Variants in PAK3 observed in about 807,000 individuals in gnomAD.
PAK3 encodes the protein serine/threonine-protein kinase PAK 3.
A neutral mutation model predicts 41.0 loss-of-function variants in PAK3; 4 were observed. That is an observed-to-expected ratio of 0.10 (90% CI 0.05 to 0.22). The LOEUF (loss-of-function observed/expected upper bound fraction) is 0.22. Among genes scored for constraint, PAK3 ranks in the 10% least tolerant of loss-of-function variants. The probability of loss-of-function intolerance (pLI) is 1.00; values close to 1 mark genes in which losing one functional copy is unlikely to be tolerated. For synonymous variants in PAK3, 146 were observed against 139.6 expected, an observed-to-expected ratio of 1.05 and a Z score of -0.32; for missense variants, 205 against 409.9, an observed-to-expected ratio of 0.50 and a Z score of 4.32.
intron 5 of PAK3, among the ~76,000 whole-genome samples, chrX:111,136,826 G>A (rs894851054): frequency 1.8e-5 from 2 of 111,905 alleles, no homozygotes; most frequent in African/African-American, 6.5e-5. Context: ...CATTTGCCCA[G>A]GTTTCATCCC....
chrX:111,149,191 G>A (rs964578295), intron 7 of PAK3, among the ~76,000 whole-genome samples: 4 of 111,854 alleles, frequency 3.6e-5, no homozygotes, highest in Non-Finnish European at 7.5e-5. Flanking sequence ...TCTAGGTCAC[G>A]CTGATGTAAG....
rs1006092770 is a variant in PAK3 at position 111,018,952 on chromosome X, T to C, written c.-28+74324T>C. On this transcript the variant is annotated intron_variant, in intron 1 of 14. Coordinates refer to the PAK3 transcript ENST00000425146. ...TAAACCCTCATTAGATGGTACCTTT[T>C]TGTACCCTTTTGACAAGGGCACAAA... 1.1e-4 allele frequency among the ~76,000 whole-genome samples: 12 copies of C among 111,508 alleles called. No homozygotes were observed. The South Asian group carries it at 4.6e-3, about 42-fold the overall frequency.
chrX:110,982,572 G>A (rs2091466665), intron 1 of PAK3, among the ~76,000 whole-genome samples: 1 of 112,048 alleles, frequency 8.9e-6, no homozygotes, highest in Non-Finnish European at 1.9e-5. Flanking sequence ...GCCTTCTCCC[G>A]AAAAGAACCC....
At chrX:110,950,083 G>A (rs1321982605) in intron 1 of PAK3, among the ~76,000 whole-genome samples, 2 of 110,299 alleles carry the variant, frequency 1.8e-5, no homozygotes, top group African/African-American at 3.3e-5. Flanking sequence ...GGGAGTGGGG[G>A]CTGGACATTG....
At chrX:110,968,222 C>T (rs929346387) in intron 1 of PAK3, among the ~76,000 whole-genome samples, 2 of 112,348 alleles carry the variant, frequency 1.8e-5, no homozygotes, top group African/African-American at 3.2e-5. Context: ...TTTGTCTAAC[C>T]ATTCACCAAT....
At chrX:111,168,706 A>G (rs1405553943) in intron 10 of PAK3, among the ~76,000 whole-genome samples, 1 of 112,040 alleles carries the variant, frequency 8.9e-6, no homozygotes. Context: ...ATAAAGCCAC[A>G]TTAACTGAAC....
intron 4 of PAK3, among the ~76,000 whole-genome samples, chrX:111,121,338 A>T (rs755489212): frequency 6.2e-5 from 7 of 112,127 alleles, no homozygotes; most frequent in Non-Finnish European, 1.1e-4. Context: ...TCAAATCAAA[A>T]TCAAACCAAT....
intron 4 of PAK3, among the ~76,000 whole-genome samples, chrX:111,120,459 G>C (rs775805638): frequency 8.9e-6 from 1 of 111,946 alleles, no homozygotes; most frequent in Admixed American, 9.5e-5. Flanking sequence ...AGGCCACTCT[G>C]TTGTTAGCCA....
chrX:110,963,840 A>G (rs2091029273), intron 1 of PAK3, among the ~76,000 whole-genome samples: 1 of 111,793 alleles, frequency 8.9e-6, no homozygotes, highest in African/African-American at 3.3e-5. Context: ...ATTGCTATGT[A>G]AATGCTTTCA....
At chrX:111,057,191 G>T (rs1425389278) in intron 1 of PAK3, among the ~76,000 whole-genome samples, 5 of 111,583 alleles carry the variant, frequency 4.5e-5, no homozygotes, top group Non-Finnish European at 9.4e-5. Flanking sequence ...TGTACAAATG[G>T]CCAACAAACA....
At chrX:111,186,393 C>A (rs755214041) in intron 11 of PAK3, among the ~76,000 whole-genome samples, 1 of 111,377 alleles carries the variant, frequency 9.0e-6, no homozygotes, top group African/African-American at 3.3e-5. Context: ...CTAGAAAACC[C>A]CATTGTCTCA....
chrX:110,988,147 G>A (rs1394088883), intron 1 of PAK3, among the ~76,000 whole-genome samples: 3 of 112,564 alleles, frequency 2.7e-5, no homozygotes, highest in African/African-American at 9.7e-5. Context: ...AGATTCCTGG[G>A]CCTTGCCCTA....
chrX:110,991,894 C>G (rs1030657365), intron 1 of PAK3, among the ~76,000 whole-genome samples: 2 of 111,342 alleles, frequency 1.8e-5, no homozygotes, highest in African/African-American at 6.5e-5. Context: ...AAAAAACACA[C>G]AGGACAGGCA....
chrX:111,210,410 C>T (rs1292845470), intron 16 of PAK3, among the ~76,000 whole-genome samples: 2 of 111,351 alleles, frequency 1.8e-5, no homozygotes, highest in Non-Finnish European at 3.8e-5. Flanking sequence ...CATCCCCTTA[C>T]ATACACTATT....
chrX:111,170,372 A>C (rs921750979), intron 10 of PAK3, among the ~76,000 whole-genome samples: 16 of 110,548 alleles, frequency 1.4e-4, no homozygotes, highest in African/African-American at 4.3e-4. Flanking sequence ...TAAAAAAAAA[A>C]CCAACAACTT....
chrX:111,201,287 C>G lies in PAK3; in HGVS notation c.1407+4647C>G, dbSNP rs2094680487. ...TGTTCTCTTGAAGGAAACACAATGT[C>G]TCAGGCTATATGCCCTTATTTGGAA... is the stretch of plus-strand genomic sequence containing the variant. On this transcript the variant is annotated intron_variant, in intron 16 of 17. Transcript: ENST00000372007. Among the ~76,000 whole-genome samples, 2 of 111,964 alleles carry G rather than the reference C, an allele frequency of 1.8e-5. 1 individual carries two copies. The highest frequency in any genetic ancestry group is 1.9e-4 in the Admixed American group (2 of 10,525).
chrX:111,073,687 G>T (rs762361807), intron 1 of PAK3, among the ~76,000 whole-genome samples: 1 of 111,451 alleles, frequency 9.0e-6, no homozygotes, highest in East Asian at 2.8e-4. Context: ...CAGACAAATG[G>T]TGAGTAAAGA....
intron 10 of PAK3, chrX:111,169,497 G>A (rs1187911081): frequency 8.9e-6 from 1 of 112,093 alleles, no homozygotes; most frequent in African/African-American, 3.3e-5. Flanking sequence ...GAGAGAACAA[G>A]GGCGAGAGAG....
At chrX:111,065,152 C>T (rs1377287162) in intron 1 of PAK3, among the ~76,000 whole-genome samples, 2 of 112,013 alleles carry the variant, frequency 1.8e-5, no homozygotes, top group Non-Finnish European at 3.8e-5. Context: ...AAGGGGAATG[C>T]TTCCAGCATT....
Sources: allele counts gnomAD v4.1 joint callset (sites outside exome capture counted in the v4.1 genomes callset), GRCh38; gene constraint gnomAD v4.1.1; transcripts MANE v1.5; gene names NCBI Gene and HGNC (gene_info 2026-07-23, HGNC 2026-07-21).